Variants in LCLAT1 observed in about 807,000 individuals in gnomAD.
The protein encoded by LCLAT1 is lysocardiolipin acyltransferase 1.
In LCLAT1, 11 loss-of-function variants were observed where a neutral mutation model predicts 30.7. The ratio of observed to expected loss-of-function variants is 0.36; its 90% CI spans 0.23 to 0.59. The LOEUF (loss-of-function observed/expected upper bound fraction) is 0.59. LCLAT1 is among the 20% of genes least tolerant of loss of function. The pLI is 0.77. For synonymous variants in LCLAT1, 155 were observed against 151.3 expected (o/e 1.02, Z -0.18); for missense variants, 402 against 458.6 (o/e 0.88, Z 1.13).
intron 5 of LCLAT1, among the ~76,000 whole-genome samples, chr2:30,631,403 A>G (rs1212899777): frequency 6.6e-6 from 1 of 152,202 alleles, no homozygotes; most frequent in Non-Finnish European, 1.5e-5. Context: ...TCAGTATCCT[A>G]AAGGCTATGT....
At chr2:30,559,595 TTTA>T (rs1279872523) in intron 3 of LCLAT1, among the ~76,000 whole-genome samples, 1 of 152,226 alleles carries the variant, frequency 6.6e-6, no homozygotes, top group African/African-American at 2.4e-5. Flanking sequence ...TTCTCACCTT[TTTA>T]TTATTATAGA....
intron 5 of LCLAT1, among the ~76,000 whole-genome samples, chr2:30,580,270 A>C (rs954135531): frequency 1.1e-4 from 16 of 152,176 alleles, no homozygotes; most frequent in Non-Finnish European, 2.4e-4. Context: ...ATCTGAATCA[A>C]ACTTTTCCAG....
chr2:30,595,859 G>A (rs549247687), intron 5 of LCLAT1, among the ~76,000 whole-genome samples: 4 of 152,066 alleles, frequency 2.6e-5, no homozygotes, highest in South Asian at 2.1e-4. Flanking sequence ...ATATGTTCTC[G>A]TTGTTCACCT....
chr2:30,518,607 C>T (rs946943435), intron 1 of LCLAT1, among the ~76,000 whole-genome samples: 3 of 152,178 alleles, frequency 2.0e-5, no homozygotes, highest in Non-Finnish European at 2.9e-5. Flanking sequence ...GCCCAACGGA[C>T]AGTGGAGGTT....
At chr2:30,617,017 C>T (rs541157204) in intron 5 of LCLAT1, among the ~76,000 whole-genome samples, 25 of 152,026 alleles carry the variant, frequency 1.6e-4, no homozygotes, top group African/African-American at 5.5e-4. Flanking sequence ...ATATTTGAGA[C>T]GCCTTAAAAA....
chr2:30,505,462 A>G lies in LCLAT1; in HGVS notation c.-4-20125A>G, dbSNP rs189618656. Among the ~76,000 whole-genome samples the G allele has an allele frequency of 2.4e-3, 366 of 151,746 alleles. 3 individuals carry two copies. The highest frequency in any genetic ancestry group is 0.017 in the Middle Eastern group (5 of 294). ...TATTGAGCATTTGTATTTTCTTCCT[A>G]TGAACAGCATATGTCTAATTAGATG... On this transcript the variant is annotated intron_variant, in intron 1 of 5. Coordinates refer to ENST00000379509, the MANE Select transcript of LCLAT1 (RefSeq NM_001002257.3).
At position 30,524,855 on chromosome 2, in the gene LCLAT1, T is replaced by C. The variant is rs80328723; in HGVS notation, c.-4-732T>C. 4.6e-3 allele frequency among the ~76,000 whole-genome samples: 706 copies of C among 152,338 alleles called. 4 individuals carry two copies. The highest frequency in any genetic ancestry group is 8.3e-3 in the Non-Finnish European group (565 of 68,026). Reference sequence around the variant, plus strand: ...TGTATATGTAGGGTTTAGTACTATCTGTGATTCAGGCATCTACTGGGGGTC... The same window carrying C: ...TGTATATGTAGGGTTTAGTACTATCCGTGATTCAGGCATCTACTGGGGGTC... On this transcript the variant is annotated intron_variant, in intron 1 of 5. Transcript: ENST00000379509.
chr2:30,618,659 C>T lies in LCLAT1; in HGVS notation c.629-21458C>T, dbSNP rs143271385. The stretch of plus-strand genomic sequence containing the variant: ...TAATATGTACAACAAACCCTCATGA[C>T]GTATGTTTACCTATGTAACAAACCT... On this transcript the variant is annotated intron_variant, in intron 5 of 5. Coordinates refer to ENST00000379509, the MANE Select transcript of LCLAT1 (RefSeq NM_001002257.3). Among the ~76,000 whole-genome samples the T allele has an allele frequency of 5.7e-3, 870 of 152,104 alleles. 9 individuals carry two copies. The highest frequency in any genetic ancestry group is 0.02 in the African/African-American group (823 of 41,494).
At chr2:30,487,036 C>T (rs978381220) in intron 1 of LCLAT1, among the ~76,000 whole-genome samples, 1 of 152,258 alleles carries the variant, frequency 6.6e-6, no homozygotes, top group Non-Finnish European at 1.5e-5. Context: ...TCCTAAAATT[C>T]TATGATATTT....
chr2:30,503,981 C>T (rs1222249219), intron 1 of LCLAT1, among the ~76,000 whole-genome samples: 1 of 152,166 alleles, frequency 6.6e-6, no homozygotes, highest in East Asian at 1.9e-4. Flanking sequence ...TAGCCGGTCA[C>T]AGGAGATGTG....
chr2:30,464,053 G>A lies in LCLAT1; in HGVS notation c.-5+16670G>A, dbSNP rs1682300954. Among the ~76,000 whole-genome samples, 6 of 152,280 alleles carry A rather than the reference G, an allele frequency of 3.9e-5. No individual in the cohort carries two copies. In the South Asian group the frequency reaches 1.2e-3, roughly 32 times the overall value. ...GCCATGCTGAATTTGCCTTTTAAAA[G>A]GGCTCTATCAGTTGATTCTCTTAGC... On this transcript the variant is annotated intron_variant, in intron 1 of 5. Coordinates refer to ENST00000379509, the MANE Select transcript of LCLAT1 (RefSeq NM_001002257.3).
intron 1 of LCLAT1, among the ~76,000 whole-genome samples, chr2:30,494,761 C>T (rs1039491378): frequency 1.3e-5 from 2 of 151,428 alleles, no homozygotes; most frequent in Non-Finnish European, 2.9e-5. Context: ...TATGCTGTCC[C>T]CTGCTCATGG....
chr2:30,521,011 G>A (rs1462990173), intron 1 of LCLAT1, among the ~76,000 whole-genome samples: 1 of 152,072 alleles, frequency 6.6e-6, no homozygotes, highest in African/African-American at 2.4e-5. Context: ...GAGATAGGAG[G>A]TCACCACAAA....
chr2:30,517,747 G>GAGTCAGAGAGAGACAGAA (rs1362397307), intron 1 of LCLAT1, among the ~76,000 whole-genome samples: 1 of 152,124 alleles, frequency 6.6e-6, no homozygotes, highest in Admixed American at 6.6e-5. Context: ...GAAACAAAGG[G>GAGTCAGAGAGAGACAGAA]AGTCAGAGAG....
intron 4 of LCLAT1, among the ~76,000 whole-genome samples, chr2:30,565,907 A>G (rs1228748477): frequency 6.6e-6 from 1 of 152,168 alleles, no homozygotes; most frequent in East Asian, 1.9e-4. Context: ...GTGCAGCTGT[A>G]TGGGTGAAAG....
intron 1 of LCLAT1, among the ~76,000 whole-genome samples, chr2:30,469,574 C>CTTTTTTTTTT (rs199634493): frequency 9.6e-6 from 1 of 103,838 alleles, no homozygotes; most frequent in African/African-American, 4.1e-5. Context: ...CAGGTCTCTT[C>CTTTTTTTTTT]TTTTTTTTTT....
intron 1 of LCLAT1, among the ~76,000 whole-genome samples, chr2:30,464,199 CT>C (rs569989344): frequency 5.3e-5 from 8 of 150,632 alleles, no homozygotes; most frequent in South Asian, 2.1e-4. Context: ...ATTTCTTTCC[CT>C]TTTTTTTTAG....
At chr2:30,616,850 A>T (rs1668017326) in intron 5 of LCLAT1, among the ~76,000 whole-genome samples, 1 of 152,128 alleles carries the variant, frequency 6.6e-6, no homozygotes, top group Non-Finnish European at 1.5e-5. Context: ...AAAAAAAAAA[A>T]TTGAAATCAT....
At chr2:30,490,109 G>A (rs1447799074) in intron 1 of LCLAT1, among the ~76,000 whole-genome samples, 1 of 151,712 alleles carries the variant, frequency 6.6e-6, no homozygotes. Flanking sequence ...GAAGTAACAG[G>A]TTGGAAATTT....
Sources: allele counts gnomAD v4.1 joint callset (sites outside exome capture counted in the v4.1 genomes callset), GRCh38; gene constraint gnomAD v4.1.1; transcripts MANE v1.5; gene names NCBI Gene and HGNC (gene_info 2026-07-23, HGNC 2026-07-21).